Variants in GPC5 observed in about 807,000 individuals in gnomAD.
GPC5 encodes the protein glypican-5.
A neutral mutation model predicts 53.9 loss-of-function variants in GPC5; 47 were observed. The observed-to-expected ratio is 0.87, with a 90% CI of 0.69 to 1.11. The LOEUF (loss-of-function observed/expected upper bound fraction) is 1.11. Among genes scored for constraint, GPC5 ranks in the 50% most tolerant of loss-of-function variants. The probability of loss-of-function intolerance (pLI) is 0.00; values close to 1 mark genes in which losing one functional copy is unlikely to be tolerated. For missense variants in GPC5, 748 were observed against 713.1 expected (o/e 1.05, Z -0.56); for synonymous variants, 286 against 263.3 (o/e 1.09, Z -0.84).
At chr13:92,001,035 T>C (rs1372792636) in intron 6 of GPC5, among the ~76,000 whole-genome samples, 1 of 152,188 alleles carries the variant, frequency 6.6e-6, no homozygotes, top group Non-Finnish European at 1.5e-5. Context: ...CCACAAACTG[T>C]ACTTTAAGTA....
chr13:92,661,299 A>T (rs1187476497), intron 7 of GPC5, among the ~76,000 whole-genome samples: 1 of 152,074 alleles, frequency 6.6e-6, no homozygotes, highest in Non-Finnish European at 1.5e-5. Flanking sequence ...CTCTCAAAAA[A>T]AAACATAAAA....
chr13:91,597,156 C>A (rs115793968), intron 2 of GPC5, among the ~76,000 whole-genome samples: 1 of 152,122 alleles, frequency 6.6e-6, no homozygotes, highest in African/African-American at 2.4e-5. Flanking sequence ...TACTGCCTGG[C>A]ATCCAGCACC....
chr13:92,303,849 C>T (rs1353508730), intron 7 of GPC5, among the ~76,000 whole-genome samples: 1 of 152,252 alleles, frequency 6.6e-6, no homozygotes, highest in Admixed American at 6.5e-5. Context: ...GTCCTGGGAC[C>T]AGAACAGTTA....
intron 6 of GPC5, among the ~76,000 whole-genome samples, chr13:92,039,474 T>C (rs1040402548): frequency 2.0e-5 from 3 of 152,226 alleles, no homozygotes; most frequent in Admixed American, 2.0e-4. Context: ...ACTCATTTAA[T>C]GTCTCTGTAA....
intron 7 of GPC5, among the ~76,000 whole-genome samples, chr13:92,741,638 C>A (rs1355399192): frequency 1.3e-5 from 2 of 151,964 alleles, no homozygotes; most frequent in Non-Finnish European, 2.9e-5. Flanking sequence ...GCACAATATG[C>A]AGGTTTGTTA....
chr13:91,977,447 T>A (rs1229774558), intron 6 of GPC5, among the ~76,000 whole-genome samples: 1 of 152,196 alleles, frequency 6.6e-6, no homozygotes, highest in Non-Finnish European at 1.5e-5. Context: ...TCTGTATCTA[T>A]TTTATGACTG....
intron 2 of GPC5, among the ~76,000 whole-genome samples, chr13:91,676,961 A>G (rs1029681095): frequency 6.6e-6 from 1 of 152,234 alleles, no homozygotes; most frequent in Admixed American, 6.5e-5. Flanking sequence ...ACACTTCACT[A>G]TATATGGATA....
At chr13:91,938,440 C>T (rs372797976) in intron 6 of GPC5, among the ~76,000 whole-genome samples, 3 of 152,084 alleles carry the variant, frequency 2.0e-5, no homozygotes, top group East Asian at 3.9e-4. Flanking sequence ...CAAACACTTC[C>T]GACCCGGCCC....
chr13:92,075,034 T>C (rs2041241802), intron 6 of GPC5, among the ~76,000 whole-genome samples: 1 of 152,220 alleles, frequency 6.6e-6, no homozygotes, highest in Non-Finnish European at 1.5e-5. Context: ...TCTCATAGGT[T>C]ATAAAAATTT....
At chr13:92,153,452 C>T (rs2041921414) in intron 7 of GPC5, among the ~76,000 whole-genome samples, 1 of 152,090 alleles carries the variant, frequency 6.6e-6, no homozygotes, top group East Asian at 1.9e-4. Flanking sequence ...TTTCCTTTTA[C>T]CAAAGTATAG....
At chr13:92,097,644 A>G (rs1019085770) in intron 6 of GPC5, among the ~76,000 whole-genome samples, 1 of 152,228 alleles carries the variant, frequency 6.6e-6, no homozygotes, top group African/African-American at 2.4e-5. Context: ...CGAGAAGCCC[A>G]TGATATAAAA....
At chr13:92,519,790 G>A (rs1464237137) in intron 7 of GPC5, among the ~76,000 whole-genome samples, 9 of 151,992 alleles carry the variant, frequency 5.9e-5, no homozygotes, top group East Asian at 1.9e-4. Flanking sequence ...GAGAAGAACC[G>A]AAGGAGATAG....
chr13:91,845,772 A>C lies in GPC5; in HGVS notation c.1281-62165A>C, dbSNP rs570831029. On this transcript the variant is annotated intron_variant, in intron 5 of 7. Coordinates refer to ENST00000377067, the MANE Select transcript of GPC5 (RefSeq NM_004466.6). The stretch of plus-strand genomic sequence containing the variant: ...CCTGTATTTCGTAACTTAACCTAAT[A>C]ATAACCCTTTTAAGTGTTGTTATCG... Among the ~76,000 whole-genome samples the C allele has an allele frequency of 2.0e-4, 31 of 152,290 alleles. 1 individual carries two copies. In the South Asian group the frequency reaches 6.4e-3, roughly 32 times the overall value.
chr13:91,510,939 T>A (rs1315605267), intron 2 of GPC5, among the ~76,000 whole-genome samples: 1 of 152,170 alleles, frequency 6.6e-6, no homozygotes, highest in Non-Finnish European at 1.5e-5. Context: ...ATATTTTGCA[T>A]AACTAGATAC....
chr13:91,782,280 G>A (rs1345251028), intron 5 of GPC5, among the ~76,000 whole-genome samples: 3 of 152,094 alleles, frequency 2.0e-5, no homozygotes, highest in East Asian at 1.9e-4. Context: ...AAAAGTGAAC[G>A]GTAGGTGGAT....
chr13:92,444,315 T>A (rs965074834), intron 7 of GPC5, among the ~76,000 whole-genome samples: 4 of 152,116 alleles, frequency 2.6e-5, no homozygotes, highest in African/African-American at 9.7e-5. Context: ...GTCAGTTTGA[T>A]GTGAGAAGCA....
intron 7 of GPC5, among the ~76,000 whole-genome samples, chr13:92,865,963 C>T (rs1879321448): frequency 6.6e-6 from 1 of 152,044 alleles, no homozygotes; most frequent in African/African-American, 2.4e-5. Flanking sequence ...AAGAACTAAT[C>T]CCATACCTAG....
At chr13:92,431,934 T>C (rs1003405864) in intron 7 of GPC5, among the ~76,000 whole-genome samples, 8 of 152,280 alleles carry the variant, frequency 5.3e-5, no homozygotes, top group African/African-American at 1.9e-4. Context: ...TGTAGGAAGT[T>C]GTCAAAAATG....
At chr13:91,721,130 TTTCTTTC>T (rs1594477789) in intron 3 of GPC5, among the ~76,000 whole-genome samples, 1 of 104,834 alleles carries the variant, frequency 9.5e-6, no homozygotes, top group Non-Finnish European at 2.0e-5. Context: ...TCTTTCTTTC[TTTCTTTC>T]TTTTTTTGGG....
Sources: allele counts gnomAD v4.1 joint callset (sites outside exome capture counted in the v4.1 genomes callset), GRCh38; gene constraint gnomAD v4.1.1; transcripts MANE v1.5; gene names NCBI Gene and HGNC (gene_info 2026-07-23, HGNC 2026-07-21).